The following IBSP variants were observed in gnomAD, a reference collection of about 807,000 sequenced individuals.
The protein encoded by IBSP is integrin binding sialoprotein.
In IBSP, 19 loss-of-function variants were observed where a neutral mutation model predicts 25.5. The ratio of observed to expected loss-of-function variants is 0.74; its 90% CI spans 0.52 to 1.09. The LOEUF (loss-of-function observed/expected upper bound fraction) is 1.09, where lower values mean the gene tolerates loss of function less well. Ranked by LOEUF, IBSP falls within the 50% of genes least tolerant of loss-of-function variation. The probability of loss-of-function intolerance (pLI) is 0.00; values close to 1 mark genes in which losing one functional copy is unlikely to be tolerated. For missense variants in IBSP, 360 were observed against 382.3 expected, an observed-to-expected ratio of 0.94 and a Z score of 0.49; for synonymous variants, 144 against 137.6, an observed-to-expected ratio of 1.05 and a Z score of -0.33.
In IBSP at chr4:87,811,616, G is replaced by A; in HGVS notation, c.660G>A (p.Gln220=). The A allele has an allele frequency of 6.2e-7, 1 of 1,613,822 alleles. No individual in the cohort carries two copies. Among genetic ancestry groups the A allele is most frequent in the Non-Finnish European group, 8.5e-7 (1 of 1,179,924 alleles). The change falls in exon 7 of 7, where the codon CAG becomes CAA. Residue 220 remains glutamine (Q), a synonymous_variant. Transcript: ENST00000226284. The part of the protein sequence containing the change: ...NAEDTTETGR[Q]GKGTSKTTTS... ...AAGACACCACAGAGACCGGAAGGCA[G>A]GGCAAGGGCACCTCGAAGACAACAA...
intron 1 of IBSP, among the ~76,000 whole-genome samples, chr4:87,802,034 C>T (rs973321762): frequency 3.3e-5 from 5 of 152,112 alleles, no homozygotes; most frequent in South Asian, 4.1e-4. Context: ...AGGGCCATTA[C>T]GCCAGTGTGA....
intron 5 of IBSP, among the ~76,000 whole-genome samples, chr4:87,807,133 A>G (rs1722100477): frequency 6.6e-6 from 1 of 152,188 alleles, no homozygotes; most frequent in Non-Finnish European, 1.5e-5. Context: ...AGAATCATCT[A>G]CATGTCTTGG....
rs368396913 is a variant in IBSP at position 87,811,534 on chromosome 4, G to A, written c.578G>A (p.Ser193Asn). The change falls in exon 7 of 7, where the codon AGC becomes AAC. Residue 193 changes from serine to asparagine, a missense_variant. Transcript: ENST00000226284. ...STEAENGNGS[S>N]GGDNGEEGEE... is the part of the protein sequence containing the mutation. ...GAGGCAGAAAACGGCAACGGCAGCAGCGGAGGAGACAATGGAGAAGAAGGG... is the reference window on the plus strand; with the variant it reads ...GAGGCAGAAAACGGCAACGGCAGCAACGGAGGAGACAATGGAGAAGAAGGG... The A allele has an allele frequency of 4.3e-5, 69 of 1,613,906 alleles. No individual in the cohort carries two copies. Among genetic ancestry groups the A allele is most frequent in the Non-Finnish European group, 5.8e-5 (69 of 1,179,974 alleles).
intron 4 of IBSP, among the ~76,000 whole-genome samples, chr4:87,803,532 T>C (rs769277896): frequency 6.6e-6 from 1 of 152,166 alleles, no homozygotes; most frequent in Non-Finnish European, 1.5e-5. Flanking sequence ...ACAGTTTGGG[T>C]TCAGGACACC....
At chr4:87,802,839 A>G (rs1722040158) in intron 4 of IBSP, 108 bp downstream of exon 4, 1 of 695,826 alleles carries the variant, frequency 1.4e-6, no homozygotes, top group African/African-American at 1.9e-5. Flanking sequence ...AAATTCAGTC[A>G]AAAAGACTGC....
In IBSP at chr4:87,803,337, CA is replaced by C. The variant is rs377634223; in HGVS notation, c.183+612del. Among the ~76,000 whole-genome samples, 429 of 151,376 alleles carry C rather than the reference CA, an allele frequency of 2.8e-3. 3 individuals are homozygous for C. Among genetic ancestry groups the C allele is most frequent in the African/African-American group, 9.5e-3 (393 of 41,216 alleles). On this transcript the variant is annotated intron_variant, in intron 4 of 6. Transcript: ENST00000226284. ...AAAAAGAGAAATTCATGACGTGCAC[CA>C]AAAAAGCTTGTGAGAAAAACAAACC...
intron 4 of IBSP, among the ~76,000 whole-genome samples, chr4:87,804,464 A>G (rs1361123597): frequency 6.6e-6 from 1 of 152,228 alleles, no homozygotes; most frequent in East Asian, 1.9e-4. Flanking sequence ...ATGAAAGTTT[A>G]AGTAAACTTA....
In IBSP at chr4:87,811,764, G is replaced by C. The variant is rs759536640; in HGVS notation, c.808G>C (p.Glu270Gln). The stretch of plus-strand genomic sequence containing the variant: ...GGAGTACGAATACACGGGCGCCAAT[G>C]AATACGACAATGGATATGAAATCTA... The part of the protein sequence containing the change: ...EGEYEYTGAN[E>Q]YDNGYEIYES... The change falls in exon 7 of 7, where the codon GAA becomes CAA. Residue 270 changes from glutamate (E) to glutamine (Q), a missense_variant. Glu to Gln is a conservative substitution (Grantham distance 29). Coordinates refer to ENST00000226284, the MANE Select transcript of IBSP (RefSeq NM_004967.4). 1 of 1,613,946 alleles carries C rather than the reference G, an allele frequency of 6.2e-7. No homozygotes were observed. The highest frequency in any genetic ancestry group is 1.7e-5 in the Admixed American group (1 of 59,978).
intron 5 of IBSP, 70 bp downstream of exon 5, chr4:87,806,254 G>T: frequency 8.4e-7 from 1 of 1,183,964 alleles, no homozygotes; most frequent in Non-Finnish European, 1.2e-6. Context: ...CTAGTCTATT[G>T]CATTCTGGAC....
At chr4:87,806,587 T>C (rs1455455204) in intron 5 of IBSP, among the ~76,000 whole-genome samples, 2 of 152,220 alleles carry the variant, frequency 1.3e-5, no homozygotes, top group Admixed American at 6.5e-5. Flanking sequence ...AGACTTGTTT[T>C]AAGGACTGAA....
intron 1 of IBSP, among the ~76,000 whole-genome samples, chr4:87,801,818 G>A (rs1319318777): frequency 1.3e-5 from 2 of 152,044 alleles, no homozygotes; most frequent in Non-Finnish European, 1.5e-5. Context: ...TGCACTGTTT[G>A]TAGAGGACAA....
At chr4:87,808,034 T>A (rs1401478523) in intron 5 of IBSP, among the ~76,000 whole-genome samples, 1 of 152,236 alleles carries the variant, frequency 6.6e-6, no homozygotes, top group Non-Finnish European at 1.5e-5. Context: ...TCTTTTTTCC[T>A]CATTCTCTAA....
chr4:87,805,977 C>T lies in IBSP; in HGVS notation c.184-145C>T, dbSNP rs938883587. On this transcript the variant is annotated intron_variant, in intron 4 of 6. Transcript: ENST00000226284. ...CAGTATGCAATCTGTTCTTAGTAAACAAGTCAGTCAAGATGGTAATACTAA... is the reference window on the plus strand; with the variant it reads ...CAGTATGCAATCTGTTCTTAGTAAATAAGTCAGTCAAGATGGTAATACTAA... The T allele has an allele frequency of 7.7e-6, 5 of 649,898 alleles. No homozygotes were observed. In the Admixed American group the frequency reaches 1.2e-4, roughly 16 times the overall value. The allele number at this position is 649,898 out of a possible 1,614,324, so 40.3% of individuals were successfully genotyped here.
At chr4:87,809,501 A>T (rs1722138993) in intron 5 of IBSP, among the ~76,000 whole-genome samples, 1 of 127,874 alleles carries the variant, frequency 7.8e-6, no homozygotes, top group Non-Finnish European at 1.6e-5. Context: ...GGAATAAAGC[A>T]TAAACATAAA....
intron 4 of IBSP, among the ~76,000 whole-genome samples, chr4:87,803,330 C>T (rs182756397): frequency 3.3e-5 from 5 of 151,768 alleles, no homozygotes; most frequent in South Asian, 2.1e-4. Flanking sequence ...AAATTCATGA[C>T]GTGCACCAAA....
At chr4:87,801,879 TGCCCACCTTG>T (rs1722021780) in intron 1 of IBSP, among the ~76,000 whole-genome samples, 1 of 152,094 alleles carries the variant, frequency 6.6e-6, no homozygotes, top group South Asian at 2.1e-4. Context: ...TCAAGCGATC[TGCCCACCTTG>T]GCCTCCCAAA....
rs750881428 is a variant in IBSP at position 87,810,711 on chromosome 4, G to A, written c.352G>A (p.Ala118Thr). The change falls in exon 6 of 7, where the codon GCC becomes ACC. Residue 118 changes from alanine to threonine, a missense_variant. Transcript: ENST00000226284. ...SATTLGYGED[A>T]TPGTGYTGLA... ...TACAACACTGGGCTATGGAGAGGAC[G>A]CCACGCCTGGCACAGGGTATACAGG... 5.0e-6 allele frequency: 8 copies of A among 1,613,694 alleles called. No individual in the cohort carries two copies. The highest frequency in any genetic ancestry group is 2.2e-5 in the East Asian group (1 of 44,886).
At chr4:87,801,395 T>C (rs1295432671) in intron 1 of IBSP, among the ~76,000 whole-genome samples, 2 of 152,038 alleles carry the variant, frequency 1.3e-5, no homozygotes, top group African/African-American at 2.4e-5. Flanking sequence ...GGAGTTGCTG[T>C]TGCGTGCTAC....
chr4:87,802,471 G>T, intron 2 of IBSP, 37 bp from the exon 3 acceptor site: 4 of 1,592,352 alleles, frequency 2.5e-6, no homozygotes, highest in African/African-American at 1.4e-5. Context: ...TTATGTAAAA[G>T]AAAAATTATG....
Sources: allele counts gnomAD v4.1 joint callset (sites outside exome capture counted in the v4.1 genomes callset), GRCh38; gene constraint gnomAD v4.1.1; transcripts MANE v1.5; gene names NCBI Gene and HGNC (gene_info 2026-07-23, HGNC 2026-07-21).